PALS2: variants seen among roughly 807,000 people sequenced by gnomAD.
PALS2 encodes protein associated with LIN7 2, MAGUK p55 family member.
PALS2 carries 27 observed loss-of-function variants against 61.6 expected under a neutral mutation model. The ratio of observed to expected loss-of-function variants is 0.44; its 90% CI spans 0.32 to 0.60. The LOEUF is 0.60. Among genes scored for constraint, PALS2 ranks in the 20% least tolerant of loss-of-function variants. PALS2 has a pLI of 0.05. For missense variants in PALS2, 554 were observed against 639.4 expected (o/e 0.87, Z 1.44); for synonymous variants, 236 against 218.6 (o/e 1.08, Z -0.70).
rs542592554 is a variant in PALS2 at position 24,692,471 on chromosome 7, A to G, written c.*4857A>G. On this transcript the variant is annotated 3_prime_UTR_variant, in exon 12 of 12. Coordinates refer to ENST00000222644, the MANE Select transcript of PALS2 (RefSeq NM_001303037.2). ...TAGCTGTGATATGGTGAACTGAAAA[A>G]TCCTTATTAGGCTACTTTATCTGTT... is the stretch of plus-strand genomic sequence containing the variant. The G allele has an allele frequency of 9.2e-5, 14 of 152,272 alleles. No homozygotes were observed. The highest frequency in any genetic ancestry group is 1.5e-4 in the Non-Finnish European group (10 of 67,992). The allele number at this position is 152,272 out of a possible 1,614,324, so 9.4% of individuals were successfully genotyped here.
rs150487412 is a variant in PALS2, at chr7:24,656,809, G to T, written c.651+6097G>T. Among the ~76,000 whole-genome samples the T allele has an allele frequency of 3.2e-4, 49 of 152,188 alleles. No individual in the cohort carries two copies. In the East Asian group the frequency reaches 5.4e-3, roughly 17 times the overall value. On this transcript the variant is annotated intron_variant, in intron 5 of 11. Coordinates refer to ENST00000222644, the MANE Select transcript of PALS2 (RefSeq NM_001303037.2). The stretch of plus-strand genomic sequence containing the variant: ...AGCCTGCTAAAGTGCTAGGATTACC[G>T]GCATAAGCCATTGCTCCCGGCCTCC...
At chr7:24,630,771 C>G (rs548765216) in intron 2 of PALS2, among the ~76,000 whole-genome samples, 26 of 152,228 alleles carry the variant, frequency 1.7e-4, no homozygotes, top group Non-Finnish European at 3.5e-4. Flanking sequence ...TATGCGAATT[C>G]TACTCTGCCT....
At chr7:24,673,725 T>G (rs1242036926) in intron 9 of PALS2, among the ~76,000 whole-genome samples, 1 of 152,108 alleles carries the variant, frequency 6.6e-6, no homozygotes, top group Non-Finnish European at 1.5e-5. Flanking sequence ...TTTGTTGATC[T>G]TTTCGGACAA....
At position 24,650,658 on chromosome 7, in the gene PALS2, A is replaced by G. The variant is rs17149773; in HGVS notation, c.597A>G (p.Gly199=). The G allele has an allele frequency of 2.9e-3, 4,754 of 1,611,786 alleles. 127 individuals carry two copies. In the African/African-American group the frequency reaches 0.057, roughly 19 times the overall value. Residue 199 remains glycine, a synonymous_variant, in exon 5 of 12, where the codon GGA becomes GGG. Transcript: ENST00000222644. ...AAGAATTACTGAAAAATATTAGTGG[A>G]AGTGTCACCCTAAAAATCTTACCAA... ...ELQELLKNIS[G]SVTLKILPSY...
At chr7:24,587,115 A>G (rs190204433) in intron 1 of PALS2, among the ~76,000 whole-genome samples, 2 of 151,766 alleles carry the variant, frequency 1.3e-5, no homozygotes, top group Admixed American at 1.3e-4. Context: ...TTGTTCTCAT[A>G]TTTGACTAAG....
chr7:24,663,491 T>A (rs537675693), intron 5 of PALS2, 99 bp from the exon 6 acceptor site: 1 of 1,153,388 alleles, frequency 8.7e-7, no homozygotes, highest in East Asian at 2.7e-5. Flanking sequence ...CTAAATACAT[T>A]GTCAGTTACA....
intron 1 of PALS2, among the ~76,000 whole-genome samples, chr7:24,595,868 A>G (rs1304627438): frequency 7.1e-6 from 1 of 139,992 alleles, no homozygotes; most frequent in African/African-American, 2.7e-5. Context: ...ATCTCTGGGA[A>G]GAGCATTTCA....
In PALS2 at chr7:24,650,990, AT is replaced by A. The variant is rs1477905479; in HGVS notation, c.651+280del. Among the ~76,000 whole-genome samples, 3 of 152,284 alleles carry A rather than the reference AT, an allele frequency of 2.0e-5. No individual in the cohort carries two copies. In the East Asian group the frequency reaches 5.8e-4, roughly 29 times the overall value. On this transcript the variant is annotated intron_variant, in intron 5 of 11. Transcript: ENST00000222644. ...ATCAGAAGAACCATAAAGTCTTTGAATTACTAATCTAGTAAACATTTCTGAC... is the reference window on the plus strand; with the variant it reads ...ATCAGAAGAACCATAAAGTCTTTGAATACTAATCTAGTAAACATTTCTGAC...
rs1347456451 is a variant in PALS2 at position 24,689,551 on chromosome 7, T to C, written c.*1937T>C. On this transcript the variant is annotated 3_prime_UTR_variant, in exon 12 of 12. Coordinates refer to ENST00000222644, the MANE Select transcript of PALS2 (RefSeq NM_001303037.2). Reference sequence around the variant, plus strand: ...AAACAAAACACCCAAGTTGTCATATTGTTAAAGTTGGAAATCTATAGGTTT... The same window carrying C: ...AAACAAAACACCCAAGTTGTCATATCGTTAAAGTTGGAAATCTATAGGTTT... 6.6e-6 allele frequency: 1 copy of C among 152,058 alleles called. No individual in the cohort carries two copies. Among genetic ancestry groups the C allele is most frequent in the Non-Finnish European group, 1.5e-5 (1 of 68,004 alleles). 9.4% of individuals were successfully genotyped at this position (152,058 alleles called of 1,614,324 possible).
chr7:24,647,749 A>G (rs1445339911), intron 3 of PALS2, among the ~76,000 whole-genome samples: 1 of 152,174 alleles, frequency 6.6e-6, no homozygotes, highest in Non-Finnish European at 1.5e-5. Context: ...AAGTGGTAAC[A>G]AATGAGTTTT....
rs1450336787 is a variant in PALS2, at chr7:24,623,655, T to G, written c.-2-11T>G. Reference sequence around the variant, plus strand: ...TGTTTGTTTGTTTTTATGTTGCTTTTATCTCAGCAGCAATGCAGCAAGTCT... The same window carrying G: ...TGTTTGTTTGTTTTTATGTTGCTTTGATCTCAGCAGCAATGCAGCAAGTCT... On this transcript the variant is annotated splice_polypyrimidine_tract_variant and intron_variant, in intron 1 of 11. Transcript: ENST00000222644. 1.3e-6 allele frequency: 2 copies of G among 1,498,984 alleles called. No homozygotes were observed. The highest frequency in any genetic ancestry group is 2.1e-5 in the Admixed American group (1 of 47,346). 92.9% of individuals were successfully genotyped at this position (1,498,984 alleles called of 1,614,324 possible).
At chr7:24,601,220 A>G (rs1271362007) in intron 1 of PALS2, among the ~76,000 whole-genome samples, 5 of 152,142 alleles carry the variant, frequency 3.3e-5, no homozygotes, top group African/African-American at 9.7e-5. Context: ...CCCTAATTAT[A>G]TTAGTAATTT....
chr7:24,615,134 G>A (rs1461367719), intron 1 of PALS2, among the ~76,000 whole-genome samples: 1 of 151,872 alleles, frequency 6.6e-6, no homozygotes, highest in Non-Finnish European at 1.5e-5. Context: ...GTGAGATACA[G>A]CAAAAGCAGT....
At chr7:24,658,890 G>A (rs150803068) in intron 5 of PALS2, among the ~76,000 whole-genome samples, 25 of 152,162 alleles carry the variant, frequency 1.6e-4, no homozygotes, top group Admixed American at 3.9e-4. Flanking sequence ...ATGTGTACAG[G>A]TCTGTTACAT....
intron 2 of PALS2, among the ~76,000 whole-genome samples, chr7:24,636,536 T>G (rs1268061455): frequency 1.3e-5 from 2 of 152,214 alleles, no homozygotes; most frequent in Admixed American, 1.3e-4. Context: ...ATTGTGAATG[T>G]TGGCATCCCA....
chr7:24,628,381 T>C (rs535177552), intron 2 of PALS2, among the ~76,000 whole-genome samples: 404 of 152,262 alleles, frequency 2.7e-3, no homozygotes, highest in Non-Finnish European at 4.6e-3. Flanking sequence ...ATAAGAGCTA[T>C]TTATGACAAA....
chr7:24,622,050 A>C (rs1203673461), intron 1 of PALS2, among the ~76,000 whole-genome samples: 2 of 152,034 alleles, frequency 1.3e-5, no homozygotes, highest in African/African-American at 4.8e-5. Flanking sequence ...TGCTAGTTCC[A>C]CACAGTCTTG....
chr7:24,674,892 G>A (rs559226114), intron 9 of PALS2, among the ~76,000 whole-genome samples: 2 of 152,194 alleles, frequency 1.3e-5, no homozygotes. Flanking sequence ...GTATTACTTT[G>A]TTGATTGTGT....
In PALS2 at chr7:24,596,746, G is replaced by T. The variant is rs541103011; in HGVS notation, c.-3+23153G>T. The stretch of plus-strand genomic sequence containing the variant: ...CTCTCCGTATATCTAGCTTTCTCCT[G>T]TGTGAGCACTACACTTTAACAAGGA... On this transcript the variant is annotated intron_variant, in intron 1 of 11. Transcript: ENST00000222644. This position sits in a 1 kb window ranked among gnomAD's most constrained non-coding sequence, Gnocchi z 4.5. Among the ~76,000 whole-genome samples the T allele has an allele frequency of 2.6e-5, 4 of 152,298 alleles. No homozygotes were observed. In the South Asian group the frequency reaches 6.2e-4, roughly 24 times the overall value.
Sources: allele counts gnomAD v4.1 joint callset (sites outside exome capture counted in the v4.1 genomes callset), GRCh38; gene constraint gnomAD v4.1.1; non-coding constraint Gnocchi (gnomAD v3.1); transcripts MANE v1.5; gene names NCBI Gene and HGNC (gene_info 2026-07-23, HGNC 2026-07-21).